The following CAMSAP1 variants were observed in gnomAD, a reference collection of about 807,000 sequenced individuals.
The protein encoded by CAMSAP1 is calmodulin regulated spectrin associated protein 1.
CAMSAP1 carries 58 observed loss-of-function variants against 143.5 expected under a neutral mutation model. The ratio of observed to expected loss-of-function variants is 0.40; its 90% CI spans 0.33 to 0.50. The LOEUF (loss-of-function observed/expected upper bound fraction) is 0.50. Among genes scored for constraint, CAMSAP1 ranks in the 20% least tolerant of loss-of-function variants. The pLI is 0.45. For synonymous variants in CAMSAP1, 945 were observed against 859.3 expected (o/e 1.10, Z -1.74); for missense variants, 1,969 against 2,115.7 (o/e 0.93, Z 1.36).
At chr9:135,836,679 G>T in intron 7 of CAMSAP1, 1 of 960,394 alleles carries the variant, frequency 1.0e-6, no homozygotes, top group Non-Finnish European at 1.2e-6. Context: ...ACAGACACAC[G>T]TCACCACGCA....
intron 4 of CAMSAP1, chr9:135,865,145 C>A: frequency 1.7e-6 from 1 of 583,078 alleles, no homozygotes; most frequent in East Asian, 2.9e-5. Flanking sequence ...TTCCAAAGTG[C>A]CATATTACAA....
intron 11 of CAMSAP1, 144 bp from the exon 12 acceptor site, chr9:135,819,290 A>G: frequency 2.6e-6 from 3 of 1,166,384 alleles, no homozygotes; most frequent in Non-Finnish European, 3.5e-6. Context: ...ACCGTTACAG[A>G]CTCTGAAATA....
intron 7 of CAMSAP1, among the ~76,000 whole-genome samples, chr9:135,836,001 A>C (rs1473195030): frequency 1.3e-5 from 2 of 152,160 alleles, no homozygotes; most frequent in Non-Finnish European, 2.9e-5. Flanking sequence ...CAAAAACAAC[A>C]AAAAAATTAT....
chr9:135,856,235 G>C (rs886520883), intron 5 of CAMSAP1, among the ~76,000 whole-genome samples: 7 of 152,162 alleles, frequency 4.6e-5, no homozygotes, highest in Admixed American at 2.0e-4. Context: ...TGGCTGGGGA[G>C]GCCTCACCAT....
At chr9:135,847,242 C>A (rs560713109) in intron 7 of CAMSAP1, among the ~76,000 whole-genome samples, 30 of 151,976 alleles carry the variant, frequency 2.0e-4, no homozygotes, top group African/African-American at 7.2e-4. Context: ...GTAGTCCCAG[C>A]TACTTGGGAG....
intron 5 of CAMSAP1, among the ~76,000 whole-genome samples, chr9:135,855,267 C>T (rs1836916023): frequency 2.0e-5 from 3 of 152,032 alleles, no homozygotes; most frequent in African/African-American, 4.8e-5. Context: ...GCTGGGATTA[C>T]AGGCGTGAGC....
At chr9:135,890,948 G>A (rs542077898) in intron 1 of CAMSAP1, among the ~76,000 whole-genome samples, 4 of 152,194 alleles carry the variant, frequency 2.6e-5, no homozygotes, top group Non-Finnish European at 5.9e-5. Context: ...CTGGACAAAA[G>A]ACAAACACCT....
intron 3 of CAMSAP1, among the ~76,000 whole-genome samples, chr9:135,878,225 G>C (rs1437472173): frequency 6.6e-6 from 1 of 152,224 alleles, no homozygotes; most frequent in Non-Finnish European, 1.5e-5. Flanking sequence ...CAGAGGTGAA[G>C]GGAGGGAAAG....
chr9:135,825,293 G>C (rs962955505), intron 8 of CAMSAP1, among the ~76,000 whole-genome samples: 1 of 152,178 alleles, frequency 6.6e-6, no homozygotes, highest in Non-Finnish European at 1.5e-5. Context: ...CCACAAGGAT[G>C]ATGCCCAATG....
chr9:135,894,742 T>C (rs544111981), intron 1 of CAMSAP1, among the ~76,000 whole-genome samples: 2 of 152,204 alleles, frequency 1.3e-5, no homozygotes, highest in South Asian at 2.1e-4. Context: ...CCTAACAAAA[T>C]AGACAAAATG....
rs766940530 is a variant in CAMSAP1 at position 135,821,085 on chromosome 9, C to T, written c.3576G>A (p.Ser1192=). 2.7e-5 allele frequency: 43 copies of T among 1,613,830 alleles called. No homozygotes were observed. The highest frequency in any genetic ancestry group is 9.9e-5 in the South Asian group (9 of 91,088). The change falls in exon 11 of 17, where the codon TCG becomes TCA. Residue 1192 remains serine, a synonymous_variant. Transcript: ENST00000389532. This position sits in a 1 kb window ranked among gnomAD's most constrained non-coding sequence, Gnocchi z 4.6. ...GAACTTCTTTGAGGCTCATCTGCTC[C>T]GAAAGAATGTTGGCATCTTTGGAAG... ...LSSSKDANIL[S]EQMSLKEVLD...
chr9:135,865,354 T>C, intron 4 of CAMSAP1: 1 of 1,550,500 alleles, frequency 6.4e-7, no homozygotes, highest in Non-Finnish European at 8.7e-7. Context: ...CCAATACCAC[T>C]TGGAGGGAGA....
At chr9:135,846,293 T>C (rs1836546554) in intron 7 of CAMSAP1, among the ~76,000 whole-genome samples, 1 of 152,160 alleles carries the variant, frequency 6.6e-6, no homozygotes, top group African/African-American at 2.4e-5. Context: ...GGATTCCCTA[T>C]TTAACAGTGT....
At position 135,816,001 on chromosome 9, in the gene CAMSAP1, C is replaced by T. The variant is rs1289619509; in HGVS notation, c.4276G>A (p.Glu1426Lys). 4 of 1,613,290 alleles carry T rather than the reference C, an allele frequency of 2.5e-6. No individual in the cohort carries two copies. The South Asian group carries it at 3.3e-5, about 13-fold the overall frequency. The change falls in exon 15 of 17, where the codon GAA becomes AAA. Residue 1426 changes from glutamate (E) to lysine (K), a missense_variant. Glu to Lys is a moderately conservative substitution (Grantham distance 56). Around this residue, in one of 4 missense-constraint regions of CAMSAP1, gnomAD observed 1,390 missense variants for 1,420.8 expected, o/e 0.98. Transcript: ENST00000389532. Reference protein sequence around the residue: ...HSGGTPSQRVESMEALPILSR... With the variant: ...HSGGTPSQRVKSMEALPILSR... ...AGTATGGGCAGGGCTTCCATCGATT[C>T]CACTCTGCAGGCAGAAACAGACAAG...
At chr9:135,874,164 C>G (rs1406085325) in intron 3 of CAMSAP1, among the ~76,000 whole-genome samples, 1 of 152,018 alleles carries the variant, frequency 6.6e-6, no homozygotes, top group African/African-American at 2.4e-5. Context: ...TGACAAAATT[C>G]AATATGTATT....
intron 16 of CAMSAP1, among the ~76,000 whole-genome samples, chr9:135,813,082 C>T (rs868661803): frequency 6.6e-6 from 1 of 152,248 alleles, no homozygotes; most frequent in Non-Finnish European, 1.5e-5. Context: ...AACAAACCCT[C>T]CACACGCCTG....
chr9:135,860,078 A>G lies in CAMSAP1; in HGVS notation c.808+2389T>C, dbSNP rs1480209401. On this transcript the variant is annotated intron_variant, in intron 5 of 16. Transcript: ENST00000389532. ...AAATAAAAAAATACAAAAGTTAGCCAGGCATGGTCGTACGTGCCTGTAGTC... is the reference window on the plus strand; with the variant it reads ...AAATAAAAAAATACAAAAGTTAGCCGGGCATGGTCGTACGTGCCTGTAGTC... Among the ~76,000 whole-genome samples the G allele has an allele frequency of 2.0e-5, 3 of 151,812 alleles. No homozygotes were observed. In the East Asian group the frequency reaches 5.9e-4, roughly 30 times the overall value.
At chr9:135,890,706 A>AG (rs1440108309) in intron 1 of CAMSAP1, among the ~76,000 whole-genome samples, 3 of 152,202 alleles carry the variant, frequency 2.0e-5, no homozygotes, top group Admixed American at 6.5e-5. Context: ...TCCTGTCTCC[A>AG]AGGGACCGCT....
At chr9:135,900,651 T>C (rs946254883) in intron 1 of CAMSAP1, among the ~76,000 whole-genome samples, 1 of 151,514 alleles carries the variant, frequency 6.6e-6, no homozygotes, top group African/African-American at 2.4e-5. Context: ...GCCAAGATCA[T>C]GCCACTGCAC....
Sources: gnomAD v4.1 joint callset for allele counts (sites outside exome capture counted in the v4.1 genomes callset) on GRCh38, gnomAD v4.1.1 for gene constraint, gnomAD v4.1.1 regional missense constraint, Gnocchi (gnomAD v3.1) non-coding constraint, MANE v1.5 for transcripts, NCBI Gene and HGNC (gene_info 2026-07-23, HGNC 2026-07-21) for gene names.